The following ITPR2 variants were observed in gnomAD, a reference collection of about 807,000 sequenced individuals.
The protein encoded by ITPR2 is inositol 1,4,5-trisphosphate receptor type 2.
Under a neutral mutation model 317.1 loss-of-function variants are expected in ITPR2, and 207 were observed. The observed-to-expected ratio is 0.65, with a 90% CI of 0.58 to 0.73. The LOEUF is 0.73. ITPR2 is among the 30% of genes least tolerant of loss of function. The probability of loss-of-function intolerance (pLI) is 0.00; values close to 1 mark genes in which losing one functional copy is unlikely to be tolerated. For synonymous variants in ITPR2, 1,156 were observed against 1,149.1 expected (o/e 1.01, Z -0.12); for missense variants, 2,613 against 3,284.0 (o/e 0.80, Z 4.99).
At chr12:26,386,789 T>C (rs908155814) in intron 55 of ITPR2, among the ~76,000 whole-genome samples, 2 of 152,196 alleles carry the variant, frequency 1.3e-5, no homozygotes, top group African/African-American at 2.4e-5. Context: ...TAACTTTAAT[T>C]TCCCTTTCGG....
At chr12:26,773,796 C>T (rs1005195014) in intron 2 of ITPR2, among the ~76,000 whole-genome samples, 13 of 124,890 alleles carry the variant, frequency 1.0e-4, no homozygotes, top group African/African-American at 3.2e-4. Flanking sequence ...AGAGGCAAAG[C>T]AATGTGGTGT....
chr12:26,499,578 C>T (rs1222984195), intron 37 of ITPR2, among the ~76,000 whole-genome samples: 1 of 152,154 alleles, frequency 6.6e-6, no homozygotes, highest in Non-Finnish European at 1.5e-5. Context: ...TGGAACAGTT[C>T]CAAACACATA....
At chr12:26,369,197 A>G (rs1283721001) in intron 55 of ITPR2, among the ~76,000 whole-genome samples, 1 of 152,254 alleles carries the variant, frequency 6.6e-6, no homozygotes, top group Middle Eastern at 3.2e-3. Flanking sequence ...AGGACTGGAC[A>G]AGAAGGTTCG....
intron 55 of ITPR2, among the ~76,000 whole-genome samples, chr12:26,340,994 G>A (rs1306598131): frequency 6.6e-6 from 1 of 151,940 alleles, no homozygotes; most frequent in Non-Finnish European, 1.5e-5. Flanking sequence ...TAGGTGTTTT[G>A]TGTGTGTGTG....
At chr12:26,780,066 C>T (rs751032844) in intron 2 of ITPR2, among the ~76,000 whole-genome samples, 80 of 152,148 alleles carry the variant, frequency 5.3e-4, no homozygotes, top group Non-Finnish European at 1.1e-3. Context: ...CCCCAGCCAC[C>T]GCTGTCATCA....
chr12:26,428,980 A>G (rs1033503188), intron 48 of ITPR2, among the ~76,000 whole-genome samples: 5 of 152,204 alleles, frequency 3.3e-5, no homozygotes, highest in Admixed American at 2.0e-4. Flanking sequence ...TTCCACTGGT[A>G]AATATTCAAT....
chr12:26,458,680 C>T (rs1319282752), intron 45 of ITPR2, among the ~76,000 whole-genome samples: 1 of 151,996 alleles, frequency 6.6e-6, no homozygotes, highest in African/African-American at 2.4e-5. Flanking sequence ...GAAAACTTGC[C>T]CAAATAAAAA....
At chr12:26,401,727 C>T (rs1480334842) in intron 52 of ITPR2, among the ~76,000 whole-genome samples, 2 of 152,216 alleles carry the variant, frequency 1.3e-5, no homozygotes, top group Non-Finnish European at 2.9e-5. Context: ...ACTTTATCTA[C>T]GTGCTTCATG....
At chr12:26,574,343 A>G (rs1329205242) in intron 34 of ITPR2, among the ~76,000 whole-genome samples, 1 of 152,162 alleles carries the variant, frequency 6.6e-6, no homozygotes, top group Non-Finnish European at 1.5e-5. Context: ...AGGTGATTTT[A>G]GATCCCTTGA....
At position 26,785,363 on chromosome 12, in the gene ITPR2, C is replaced by T. The variant is rs1185458421; in HGVS notation, c.163+4794G>A. The stretch of plus-strand genomic sequence containing the variant: ...CCGGGAGGTGAGGGGCGCCTCTGCC[C>T]GGCCGCCCCTACTGGGAAGTGAGGA... On this transcript the variant is annotated intron_variant, in intron 2 of 56. Coordinates refer to ENST00000381340, the MANE Select transcript of ITPR2 (RefSeq NM_002223.4). 2.6e-4 allele frequency among the ~76,000 whole-genome samples: 13 copies of T among 50,728 alleles called. 1 individual carries two copies. The highest frequency in any genetic ancestry group is 5.9e-4 in the African/African-American group (12 of 20,196). 33.3% of individuals were successfully genotyped at this position (50,728 alleles called of 152,430 possible). A position where few individuals can be genotyped will look rare whatever the true frequency, so the allele number is the denominator to read the frequency against.
chr12:26,445,513 G>A (rs575368019), intron 45 of ITPR2, among the ~76,000 whole-genome samples: 1 of 151,228 alleles, frequency 6.6e-6, no homozygotes, highest in African/African-American at 2.5e-5. Context: ...GGTTAAGAAA[G>A]GTAGGAACAA....
intron 13 of ITPR2, among the ~76,000 whole-genome samples, chr12:26,669,743 G>C (rs1408797624): frequency 1.3e-5 from 2 of 152,262 alleles, no homozygotes; most frequent in Non-Finnish European, 2.9e-5. Context: ...AGCAGTGCGA[G>C]GCATTGCCTC....
Position 26,599,276 on chromosome 12 carries a change from T to C in ITPR2, c.3871A>G (p.Arg1291Gly). ...NYHLCNEISE[R>G]VVQHFVHCIE... ...CAGTGCACAAAGTGTTGTACAACTC[T>C]CTCGCTAATTTCGTTGCACAGATGG... Residue 1291 changes from arginine to glycine, a missense_variant, in exon 30 of 57, where the codon AGA (arginine) becomes GGA (glycine). Physicochemically the swap from Arg to Gly is moderately radical, Grantham distance 125. Coordinates refer to ENST00000381340, the MANE Select transcript of ITPR2 (RefSeq NM_002223.4). 1 of 1,614,102 alleles carries C rather than the reference T, an allele frequency of 6.2e-7. No homozygotes were observed. Among genetic ancestry groups the C allele is most frequent in the Non-Finnish European group, 8.5e-7 (1 of 1,179,956 alleles).
rs572896331 is a variant in ITPR2 at position 26,587,530 on chromosome 12, A to G, written c.4381-7375T>C. ...GATAGGAATGCATTTGGCATACCTG[A>G]GGAGTAGCAAGGAGGCCACAGTATG... On this transcript the variant is annotated intron_variant, in intron 32 of 56. Transcript: ENST00000381340. 2.0e-5 allele frequency among the ~76,000 whole-genome samples: 3 copies of G among 152,276 alleles called. No homozygotes were observed. The South Asian group carries it at 6.2e-4, about 32-fold the overall frequency.
At chr12:26,673,135 T>C (rs1947826129) in intron 13 of ITPR2, among the ~76,000 whole-genome samples, 2 of 152,230 alleles carry the variant, frequency 1.3e-5, no homozygotes, top group South Asian at 4.1e-4. Context: ...ACTGGTATCA[T>C]TCCTTCTGAA....
At chr12:26,698,871 C>T (rs1400231071) in intron 9 of ITPR2, among the ~76,000 whole-genome samples, 1 of 152,058 alleles carries the variant, frequency 6.6e-6, no homozygotes, top group Non-Finnish European at 1.5e-5. Flanking sequence ...ATTAAAGAAA[C>T]ACATTTTCAC....
At chr12:26,766,741 T>C (rs1949726602) in intron 2 of ITPR2, among the ~76,000 whole-genome samples, 1 of 152,334 alleles carries the variant, frequency 6.6e-6, no homozygotes, top group Admixed American at 6.5e-5. Flanking sequence ...CTAATTGTTA[T>C]ATAGTTTTAG....
chr12:26,493,117 T>C (rs1942849404), intron 39 of ITPR2, among the ~76,000 whole-genome samples: 1 of 152,170 alleles, frequency 6.6e-6, no homozygotes, highest in Admixed American at 6.5e-5. Flanking sequence ...AGGAAATCTA[T>C]GCTGCAGCTA....
At chr12:26,463,521 C>T (rs558552086) in intron 45 of ITPR2, among the ~76,000 whole-genome samples, 14 of 152,028 alleles carry the variant, frequency 9.2e-5, no homozygotes, top group Admixed American at 3.3e-4. Context: ...CAAAATTAGC[C>T]GGTCGTGGTG....
Sources: gnomAD v4.1 joint callset for allele counts (sites outside exome capture counted in the v4.1 genomes callset) on GRCh38, gnomAD v4.1.1 for gene constraint, MANE v1.5 for transcripts, NCBI Gene and HGNC (gene_info 2026-07-23, HGNC 2026-07-21) for gene names.